SETD2: variants seen among roughly 807,000 people sequenced by gnomAD.
SETD2 encodes the protein histone-lysine N-methyltransferase SETD2.
Under a neutral mutation model 242.1 loss-of-function variants are expected in SETD2, and 31 were observed. The observed-to-expected ratio is 0.13, with a 90% CI of 0.10 to 0.17. SETD2 has a LOEUF of 0.17. Ranked by LOEUF, SETD2 falls within the 10% of genes least tolerant of loss-of-function variation. The pLI is 1.00. For missense variants in SETD2, 2,481 were observed against 3,046.3 expected (o/e 0.81, Z 4.37); for synonymous variants, 1,006 against 1,066.5 (o/e 0.94, Z 1.11).
intron 7 of SETD2, among the ~76,000 whole-genome samples, 172 bp from the exon 8 acceptor site, chr3:47,101,727 T>G (rs931808730): frequency 2.0e-5 from 3 of 152,158 alleles, no homozygotes; most frequent in Non-Finnish European, 4.4e-5. Context: ...GAGACTTTTT[T>G]CTTTAAAAGA....
chr3:47,143,735 C>T (rs1219869267), intron 1 of SETD2, among the ~76,000 whole-genome samples: 2 of 151,804 alleles, frequency 1.3e-5, no homozygotes, highest in Admixed American at 6.6e-5. Flanking sequence ...TATTTTGAGA[C>T]GGAGTCTCGC....
intron 14 of SETD2, among the ~76,000 whole-genome samples, chr3:47,057,998 AACAT>A (rs570244420): frequency 9.1e-4 from 138 of 152,254 alleles, no homozygotes; most frequent in African/African-American, 2.9e-3. Context: ...TCCTCATAAA[AACAT>A]ACAGCAGAAA....
At chr3:47,157,867 C>T (rs1172554880) in intron 1 of SETD2, among the ~76,000 whole-genome samples, 1 of 150,610 alleles carries the variant, frequency 6.6e-6, no homozygotes, top group Admixed American at 6.6e-5. Flanking sequence ...GAGCAAAACT[C>T]CATCTCAAAA....
Position 47,084,206 on chromosome 3 carries a change from AGGTGTGTTGAGT to A in SETD2, c.5562_5573del (p.Leu1855_Pro1858del). 1 of 1,614,122 alleles carries A rather than the reference AGGTGTGTTGAGT, an allele frequency of 6.2e-7. No individual in the cohort carries two copies. Among genetic ancestry groups the A allele is most frequent in the Non-Finnish European group, 8.5e-7 (1 of 1,179,994 alleles). On this transcript the variant is annotated inframe_deletion, in exon 12 of 21. Coordinates refer to ENST00000409792, the MANE Select transcript of SETD2 (RefSeq NM_014159.7). The stretch of plus-strand genomic sequence containing the variant: ...CTGTGCTCAGCTTGGTGGAAGGATC[AGGTGTGTTGAGT>A]GGTGTATGAGCACGCGATGTATTCT...
chr3:47,155,396 T>C (rs777779360), intron 1 of SETD2, among the ~76,000 whole-genome samples: 1 of 152,232 alleles, frequency 6.6e-6, no homozygotes, highest in African/African-American at 2.4e-5. Context: ...TTTTAAAATA[T>C]AGAAAGGTAA....
At chr3:47,063,304 A>G (rs1368845346) in intron 13 of SETD2, among the ~76,000 whole-genome samples, 1 of 152,136 alleles carries the variant, frequency 6.6e-6, no homozygotes, top group African/African-American at 2.4e-5. Context: ...CCAGAGAGCT[A>G]CATCTTAAAA....
chr3:47,164,827 C>A (rs75337117), upstream of SETD2, among the ~76,000 whole-genome samples: 2,284 of 152,326 alleles, frequency 0.015, 57 homozygotes, highest in African/African-American at 0.052. This position sits in a 1 kb window ranked among gnomAD's most constrained non-coding sequence, Gnocchi z 5.4. Context: ...GCTCTGCCCC[C>A]ACCCGAAGTC....
At chr3:47,135,475 C>T (rs1201009313) in intron 1 of SETD2, among the ~76,000 whole-genome samples, 2 of 152,174 alleles carry the variant, frequency 1.3e-5, no homozygotes, top group African/African-American at 2.4e-5. Context: ...AGGGTTTCAC[C>T]ATGTTGCCCA....
intron 19 of SETD2, 72 bp downstream of exon 19, chr3:47,019,687 TA>T (rs1288200808): frequency 3.1e-6 from 4 of 1,275,052 alleles, no homozygotes; most frequent in Non-Finnish European, 4.6e-6. Flanking sequence ...ATATTCGACA[TA>T]CTTAGGACAA....
rs367601805 is a variant in SETD2, at chr3:47,098,040, C to T, written c.5057G>A (p.Arg1686Gln). The change falls in exon 9 of 21, where the codon CGG (arginine) becomes CAG (glutamine). Residue 1686 changes from arginine to glutamine, a missense_variant. Coordinates refer to ENST00000409792, the MANE Select transcript of SETD2 (RefSeq NM_014159.7). ...TCTGTTTTCTCCTCCCAGGTAACCC[C>T]GGCAATTGGCTGATCCGCAGAAACA... ...QKCFCGSANC[R>Q]GYLGGENRVS... The T allele has an allele frequency of 4.8e-5, 77 of 1,613,910 alleles. 1 individual carries two copies. The highest frequency in any genetic ancestry group is 6.0e-5 in the Non-Finnish European group (71 of 1,179,968).
At chr3:47,127,880 G>C (rs548029390) in intron 1 of SETD2, among the ~76,000 whole-genome samples, 1 of 152,070 alleles carries the variant, frequency 6.6e-6, no homozygotes, top group African/African-American at 2.4e-5. Flanking sequence ...ATTTTTAAAA[G>C]GAAGGCTAAG....
At chr3:47,115,271 T>C (rs1041702688) in intron 4 of SETD2, among the ~76,000 whole-genome samples, 2 of 152,100 alleles carry the variant, frequency 1.3e-5, no homozygotes, top group African/African-American at 2.4e-5. Flanking sequence ...AACCTAATCA[T>C]GAGAACAACC....
chr3:47,058,449 A>AC (rs2040174769), intron 14 of SETD2, among the ~76,000 whole-genome samples: 1 of 148,456 alleles, frequency 6.7e-6, no homozygotes. Context: ...TCAAAAAAAA[A>AC]AAAAAAAAAA....
At chr3:47,049,889 TTATATA>T (rs1234198728) in intron 15 of SETD2, among the ~76,000 whole-genome samples, 15 of 127,068 alleles carry the variant, frequency 1.2e-4, no homozygotes, top group African/African-American at 4.0e-4. Context: ...ATAGTATATA[TTATATA>T]TATAAACTTA....
rs567612117 is a variant in SETD2, at chr3:47,093,176, A to C, written c.5142+4779T>G. ...ATGGAAATGAAATCATACTGGACAA[A>C]ATATTTTGTCATGCTTCTTTCACTC... is the stretch of plus-strand genomic sequence containing the variant. On this transcript the variant is annotated intron_variant, in intron 9 of 20. Transcript: ENST00000409792. Among the ~76,000 whole-genome samples, 32 of 152,224 alleles carry C rather than the reference A, an allele frequency of 2.1e-4. 1 individual carries two copies. The South Asian group carries it at 6.4e-3, about 31-fold the overall frequency.
chr3:47,107,461 G>GTATA (rs58371254), intron 5 of SETD2, among the ~76,000 whole-genome samples: 1 of 151,948 alleles, frequency 6.6e-6, no homozygotes, highest in African/African-American at 2.4e-5. Context: ...TATAGTGGAT[G>GTATA]TATATATATA....
intron 15 of SETD2, among the ~76,000 whole-genome samples, chr3:47,051,948 G>C (rs2039863299): frequency 6.6e-6 from 1 of 152,166 alleles, no homozygotes; most frequent in Non-Finnish European, 1.5e-5. Flanking sequence ...GAATAAAGCT[G>C]TGGTTTAGAA....
chr3:47,096,801 G>A (rs1488850362), intron 9 of SETD2, among the ~76,000 whole-genome samples: 1 of 152,094 alleles, frequency 6.6e-6, no homozygotes, highest in Non-Finnish European at 1.5e-5. Context: ...AAAAGAGAGA[G>A]AGAGAAAGAA....
At chr3:47,146,350 G>C (rs887940822) in intron 1 of SETD2, among the ~76,000 whole-genome samples, 1 of 151,816 alleles carries the variant, frequency 6.6e-6, no homozygotes, top group Non-Finnish European at 1.5e-5. Context: ...TCATATAGCC[G>C]GGTGTGGTGG....
Sources: allele counts gnomAD v4.1 joint callset (sites outside exome capture counted in the v4.1 genomes callset), GRCh38; gene constraint gnomAD v4.1.1; non-coding constraint Gnocchi (gnomAD v3.1); transcripts MANE v1.5; gene names NCBI Gene and HGNC (gene_info 2026-07-23, HGNC 2026-07-21).